The following TJP1 variants were observed in gnomAD, a reference collection of about 807,000 sequenced individuals.
The protein encoded by TJP1 is tight junction protein 1.
TJP1 carries 43 observed loss-of-function variants against 194.2 expected under a neutral mutation model. That is an observed-to-expected ratio of 0.22 (90% confidence interval 0.17 to 0.29). TJP1 has a LOEUF of 0.29. TJP1 is among the 10% of genes least tolerant of loss of function. The pLI is 1.00. For synonymous variants in TJP1, 801 were observed against 779.0 expected, an observed-to-expected ratio of 1.03 and a Z score of -0.47; for missense variants, 1,971 against 2,185.7, an observed-to-expected ratio of 0.90 and a Z score of 1.96.
chr15:29,772,147 T>G lies in TJP1; in HGVS notation c.229A>C (p.Met77Leu). 1.9e-6 allele frequency: 3 copies of G among 1,602,036 alleles called. No homozygotes were observed. Among genetic ancestry groups the G allele is most frequent in the Non-Finnish European group, 2.6e-6 (3 of 1,176,436 alleles). The change falls in exon 4 of 28, where the codon ATG becomes CTG. Residue 77 changes from methionine (M) to leucine (L), a missense_variant. Physicochemically the swap from Met to Leu is conservative, Grantham distance 15 (BLOSUM62 2). Around this residue, in one of 5 missense-constraint regions of TJP1, gnomAD observed 245 missense variants for 336.6 expected, o/e 0.73. Transcript: ENST00000614355. Reference protein sequence around the residue: ...GQLQENDRVAMVNGVSMDNVE... With the variant: ...GQLQENDRVALVNGVSMDNVE... The stretch of plus-strand genomic sequence containing the variant: ...TTATCCATTGAAACTCCGTTAACCA[T>G]TGCAACTCGGTCATTTTCCCTAAGG...
chr15:29,823,918 T>C (rs1251471191), upstream of TJP1: 1 of 150,754 alleles, frequency 6.6e-6, no homozygotes, highest in Non-Finnish European at 1.5e-5. Context: ...AAACTCCGTC[T>C]TTATTAAAAA....
intron 4 of TJP1, among the ~76,000 whole-genome samples, chr15:29,770,229 T>C (rs2046570108): frequency 1.3e-5 from 2 of 151,874 alleles, no homozygotes; most frequent in Non-Finnish European, 2.9e-5. Flanking sequence ...GGCAGATCAC[T>C]TGAGGCCCGG....
At chr15:29,798,596 A>G (rs954453037) in intron 2 of TJP1, among the ~76,000 whole-genome samples, 4 of 152,184 alleles carry the variant, frequency 2.6e-5, no homozygotes, top group Admixed American at 2.6e-4. Flanking sequence ...TGGTGGTGTT[A>G]GATGGTACAG....
intron 2 of TJP1, among the ~76,000 whole-genome samples, chr15:29,853,840 T>A (rs2051738592): frequency 6.6e-6 from 1 of 152,224 alleles, no homozygotes; most frequent in African/African-American, 2.4e-5. Flanking sequence ...ATATCCTTTA[T>A]TGAGAATGAC....
chr15:29,771,804 C>CA (rs761453592), intron 4 of TJP1, among the ~76,000 whole-genome samples: 6,401 of 90,444 alleles, frequency 0.071, 161 homozygotes, highest in South Asian at 0.11. Flanking sequence ...GACTCCGTCT[C>CA]AAAAAAAAAA....
intron 1 of TJP1, among the ~76,000 whole-genome samples, chr15:29,802,730 A>C (rs554432309): frequency 6.6e-6 from 1 of 152,280 alleles, no homozygotes; most frequent in Admixed American, 6.5e-5. Flanking sequence ...AGTTTGTCCA[A>C]TCTCAGCTGA....
intron 1 of TJP1, among the ~76,000 whole-genome samples, chr15:29,963,460 T>C (rs1200579699): frequency 1.3e-5 from 2 of 152,162 alleles, no homozygotes; most frequent in Admixed American, 6.5e-5. Flanking sequence ...AAAGCACTAA[T>C]ATAGAGTGCA....
At chr15:29,756,952 A>G (rs2045679965) in intron 8 of TJP1, among the ~76,000 whole-genome samples, 1 of 152,214 alleles carries the variant, frequency 6.6e-6, no homozygotes, top group Non-Finnish European at 1.5e-5. Context: ...CTAACTTATG[A>G]TACTATTATT....
At chr15:29,735,211 AAAAG>A (rs2043947246) in intron 11 of TJP1, among the ~76,000 whole-genome samples, 1 of 151,802 alleles carries the variant, frequency 6.6e-6, no homozygotes, top group Non-Finnish European at 1.5e-5. Flanking sequence ...TCCAGATTAA[AAAAG>A]AAAAAAAAAA....
At chr15:29,828,470 TA>T (rs1396849127) in intron 2 of TJP1, among the ~76,000 whole-genome samples, 1 of 152,150 alleles carries the variant, frequency 6.6e-6, no homozygotes, top group Non-Finnish European at 1.5e-5. Flanking sequence ...AAAAAGGAAT[TA>T]TTTTCTGGAT....
chr15:29,937,997 T>C (rs555952994), intron 2 of TJP1, among the ~76,000 whole-genome samples: 2 of 152,212 alleles, frequency 1.3e-5, no homozygotes, highest in South Asian at 2.1e-4. Context: ...GGAAAAGAAA[T>C]TGAAGCATTT....
intron 2 of TJP1, among the ~76,000 whole-genome samples, chr15:29,918,335 C>T (rs1164457611): frequency 6.6e-6 from 1 of 152,142 alleles, no homozygotes; most frequent in Non-Finnish European, 1.5e-5. Flanking sequence ...TAGTGATTCA[C>T]TCTTACATGT....
intron 22 of TJP1, 115 bp from the exon 23 acceptor site, chr15:29,716,953 T>TAG (rs2042606622): frequency 1.1e-6 from 1 of 874,822 alleles, no homozygotes; most frequent in African/African-American, 1.7e-5. Context: ...ACTGCTGTGA[T>TAG]TACTGAGGAT....
At chr15:29,798,304 A>G (rs2048551909) in intron 2 of TJP1, among the ~76,000 whole-genome samples, 1 of 150,984 alleles carries the variant, frequency 6.6e-6, no homozygotes, top group Admixed American at 6.6e-5. Context: ...TCTAAATCTG[A>G]CAATACGGAT....
At chr15:29,752,855 T>G (rs1566957158) in intron 8 of TJP1, among the ~76,000 whole-genome samples, 1 of 152,216 alleles carries the variant, frequency 6.6e-6, no homozygotes, top group Non-Finnish European at 1.5e-5. Context: ...ACTTTCTCCC[T>G]TGCTCTTATG....
rs747527344 is a variant in TJP1, at chr15:29,766,461, A to T, written c.394T>A (p.Tyr132Asn). ...EPVSDNEEDS[Y>N]DEEIHDPRSG... ...CTTGGATCATGTATTTCCTCATCAT[A>T]ACTATCTTCTTCATTATCAGATACT... The change falls in exon 5 of 28, where the codon TAT (tyrosine) becomes AAT (asparagine). Residue 132 changes from tyrosine to asparagine, a missense_variant. By Grantham distance (143) the Tyr-to-Asn change is moderately radical. This residue lies in a region of TJP1 where 245 missense variants were observed against 336.6 expected (regional missense o/e 0.73). Transcript: ENST00000614355. The T allele has an allele frequency of 6.2e-7, 1 of 1,613,718 alleles. No individual in the cohort carries two copies. Among genetic ancestry groups the T allele is most frequent in the East Asian group, 2.2e-5 (1 of 44,872 alleles).
chr15:29,885,957 G>C (rs1371586854), intron 2 of TJP1, among the ~76,000 whole-genome samples: 1 of 152,186 alleles, frequency 6.6e-6, no homozygotes, highest in Non-Finnish European at 1.5e-5. Flanking sequence ...GGGGAAGAAG[G>C]CTTGGGACAG....
chr15:29,965,197 T>TCA (rs1212660042), intron 1 of TJP1, among the ~76,000 whole-genome samples: 4 of 97,078 alleles, frequency 4.1e-5, no homozygotes, highest in African/African-American at 1.2e-4. Context: ...ATTTATTTAT[T>TCA]TATTTATTTA....
Position 29,719,939 on chromosome 15 carries a change from A to G in TJP1, c.2841T>C (p.His947=). 6.2e-7 allele frequency: 1 copy of G among 1,614,194 alleles called. No individual in the cohort carries two copies. The highest frequency in any genetic ancestry group is 2.2e-5 in the East Asian group (1 of 44,880). ...NPASSTSAVN[H]NVNLTNVRLE... is the part of the protein sequence containing the mutation. ...GTCTGACATTAGTTAAATTTACATT[A>G]TGATTAACAGCAGAGGTTGATGATG... The change falls in exon 20 of 28, where the codon CAT becomes CAC. Residue 947 remains histidine, a synonymous_variant. Coordinates refer to ENST00000614355, the MANE Select transcript of TJP1 (RefSeq NM_001330239.4).
Sources: allele counts gnomAD v4.1 joint callset (sites outside exome capture counted in the v4.1 genomes callset), GRCh38; gene constraint gnomAD v4.1.1; regional missense constraint gnomAD v4.1.1; transcripts MANE v1.5; gene names NCBI Gene and HGNC (gene_info 2026-07-23, HGNC 2026-07-21).